Variants in TTBK2 observed in about 807,000 individuals in gnomAD.
TTBK2 encodes tau-tubulin kinase 2.
A neutral mutation model predicts 110.8 loss-of-function variants in TTBK2; 28 were observed. That is an observed-to-expected ratio of 0.25 (90% CI 0.19 to 0.35). TTBK2 has a LOEUF of 0.35. TTBK2 is among the 10% of genes least tolerant of loss of function. TTBK2 has a pLI of 1.00. For synonymous variants in TTBK2, 532 were observed against 527.3 expected, an observed-to-expected ratio of 1.01 and a Z score of -0.12; for missense variants, 1,369 against 1,500.3, an observed-to-expected ratio of 0.91 and a Z score of 1.45.
chr15:42,765,792 G>A (rs908539907), intron 13 of TTBK2, among the ~76,000 whole-genome samples: 2 of 152,104 alleles, frequency 1.3e-5, no homozygotes, highest in African/African-American at 2.4e-5. Flanking sequence ...TCCATGAGAA[G>A]AGCAACTCCA....
intron 13 of TTBK2, among the ~76,000 whole-genome samples, chr15:42,765,515 T>TC (rs1889322869): frequency 6.6e-6 from 1 of 152,154 alleles, no homozygotes; most frequent in Non-Finnish European, 1.5e-5. Flanking sequence ...AGAAAGGGTA[T>TC]CAGTGATTGA....
chr15:42,819,746 G>T (rs1892209348), intron 6 of TTBK2, among the ~76,000 whole-genome samples: 2 of 152,152 alleles, frequency 1.3e-5, no homozygotes, highest in South Asian at 4.1e-4. Flanking sequence ...CTTTTTAGAA[G>T]AAAATTGTCT....
intron 1 of TTBK2, among the ~76,000 whole-genome samples, chr15:42,898,682 T>A (rs1204120743): frequency 2.0e-5 from 3 of 152,212 alleles, no homozygotes; most frequent in Admixed American, 6.5e-5. Flanking sequence ...AGGATCTAAC[T>A]GTGCATGTGT....
intron 7 of TTBK2, among the ~76,000 whole-genome samples, chr15:42,812,550 C>T (rs1028523561): frequency 7.2e-5 from 11 of 152,082 alleles, no homozygotes; most frequent in Non-Finnish European, 1.5e-4. Context: ...TCCCTAAATT[C>T]AGACCTCATA....
At chr15:42,767,360 C>T (rs1889431506) in intron 13 of TTBK2, among the ~76,000 whole-genome samples, 1 of 152,068 alleles carries the variant, frequency 6.6e-6, no homozygotes, top group African/African-American at 2.4e-5. Context: ...AATTGAAAGA[C>T]CGCTAGCAAG....
At position 42,745,134 on chromosome 15, in the gene TTBK2, A is replaced by G. The variant is rs2061774751; in HGVS notation, c.*661T>C. On this transcript the variant is annotated 3_prime_UTR_variant, in exon 15 of 15. Coordinates refer to ENST00000267890, the MANE Select transcript of TTBK2 (RefSeq NM_173500.4). ...AAAAAAAATCAGGGGGACCTAAAAA[A>G]AAGTAATTGGATTTGATAGTACAAC... is the stretch of plus-strand genomic sequence containing the variant. 1 of 154,384 alleles carries G rather than the reference A, an allele frequency of 6.5e-6. No homozygotes were observed. The highest frequency in any genetic ancestry group is 1.5e-5 in the Non-Finnish European group (1 of 68,250). The allele number at this position is 154,384 out of a possible 1,614,324, so 9.6% of individuals were successfully genotyped here. A position where few individuals can be genotyped will look rare whatever the true frequency, so the allele number is the denominator to read the frequency against.
At chr15:42,796,692 C>T (rs1429820796) in intron 9 of TTBK2, among the ~76,000 whole-genome samples, 2 of 152,186 alleles carry the variant, frequency 1.3e-5, no homozygotes, top group Non-Finnish European at 2.9e-5. Flanking sequence ...ATTTCTCTTT[C>T]AACCCAGACT....
intron 1 of TTBK2, among the ~76,000 whole-genome samples, chr15:42,901,436 A>C (rs1174301821): frequency 6.6e-6 from 1 of 151,978 alleles, no homozygotes. Flanking sequence ...AATTTCTTGG[A>C]TATAATACCA....
chr15:42,845,572 T>G (rs1306022393), intron 3 of TTBK2, among the ~76,000 whole-genome samples: 1 of 134,342 alleles, frequency 7.4e-6, no homozygotes, highest in Non-Finnish European at 1.5e-5. Context: ...AGGCGGGGGT[T>G]GCAGTGGGCC....
chr15:42,899,712 CT>C (rs951200856), intron 1 of TTBK2, among the ~76,000 whole-genome samples: 16 of 151,772 alleles, frequency 1.1e-4, no homozygotes, highest in Admixed American at 3.3e-4. Flanking sequence ...GCACTCCAGC[CT>C]AGTGACAGAG....
At chr15:42,867,071 C>T (rs1251686950) in intron 3 of TTBK2, among the ~76,000 whole-genome samples, 2 of 151,620 alleles carry the variant, frequency 1.3e-5, no homozygotes, top group Non-Finnish European at 2.9e-5. Context: ...GGTGAAACCC[C>T]GTCTCTACTA....
At chr15:42,783,299 C>T (rs1026403124) in intron 11 of TTBK2, 120 bp downstream of exon 11, 25 of 926,258 alleles carry the variant, frequency 2.7e-5, no homozygotes, top group Non-Finnish European at 4.3e-5. Context: ...GAGGACTCAG[C>T]AAGGAGGAGC....
chr15:42,889,610 T>C (rs1342688853), intron 1 of TTBK2, among the ~76,000 whole-genome samples: 1 of 152,210 alleles, frequency 6.6e-6, no homozygotes, highest in Non-Finnish European at 1.5e-5. Context: ...AGTGGATGTC[T>C]TGGGTCCTCC....
At position 42,881,623 on chromosome 15, in the gene TTBK2, T is replaced by C. The variant is rs57419059; in HGVS notation, c.-67-2939A>G. On this transcript the variant is annotated intron_variant, in intron 1 of 14. Transcript: ENST00000267890. ...GCGCGGTGGCTCATGCCTGTAATCA[T>C]AGCACTTTGGGAGGCTGAGGCAGGC... Among the ~76,000 whole-genome samples, 561 of 151,974 alleles carry C rather than the reference T, an allele frequency of 3.7e-3. 1 individual carries two copies. The highest frequency in any genetic ancestry group is 0.012 in the African/African-American group (502 of 41,498).
chr15:42,913,624 C>T (rs537988185), intron 1 of TTBK2, among the ~76,000 whole-genome samples: 162 of 150,890 alleles, frequency 1.1e-3, no homozygotes, highest in African/African-American at 3.9e-3. Flanking sequence ...GGCGACAGAG[C>T]GAGACTCCGT....
At chr15:42,807,601 T>C (rs1891527101) in intron 9 of TTBK2, among the ~76,000 whole-genome samples, 1 of 151,428 alleles carries the variant, frequency 6.6e-6, no homozygotes, top group Non-Finnish European at 1.5e-5. Flanking sequence ...TTTGTTGTTG[T>C]TGTTGTTTTG....
At chr15:42,893,176 A>G (rs1052692756) in intron 1 of TTBK2, among the ~76,000 whole-genome samples, 2 of 152,338 alleles carry the variant, frequency 1.3e-5, no homozygotes, top group Admixed American at 1.3e-4. Context: ...CAATGGTTAG[A>G]GGAAAAACTA....
intron 3 of TTBK2, among the ~76,000 whole-genome samples, chr15:42,846,323 G>C (rs1433527218): frequency 6.6e-6 from 1 of 151,850 alleles, no homozygotes; most frequent in Non-Finnish European, 1.5e-5. Context: ...CCAAGAAGCT[G>C]GGATTACAGG....
intron 9 of TTBK2, chr15:42,800,408 A>G: frequency 2.9e-6 from 1 of 339,798 alleles, no homozygotes; most frequent in Non-Finnish European, 5.6e-6. Context: ...CCTTAGCACA[A>G]AATGCAATCA....
Sources: allele counts gnomAD v4.1 joint callset (sites outside exome capture counted in the v4.1 genomes callset), GRCh38; gene constraint gnomAD v4.1.1; transcripts MANE v1.5; gene names NCBI Gene and HGNC (gene_info 2026-07-23, HGNC 2026-07-21).